The following NRXN2 variants were observed in gnomAD, a reference collection of about 807,000 sequenced individuals.
NRXN2 encodes the protein neurexin 2, also known as neurexin-2-beta.
Under a neutral mutation model 128.8 loss-of-function variants are expected in NRXN2, and 29 were observed. The observed-to-expected ratio is 0.23, with a 90% CI of 0.17 to 0.31. The LOEUF is 0.31. Among genes scored for constraint, NRXN2 ranks in the 10% least tolerant of loss-of-function variants. NRXN2 has a pLI of 1.00. For synonymous variants in NRXN2, 1,098 were observed against 1,075.2 expected (o/e 1.02, Z -0.41); for missense variants, 1,881 against 2,452.6 (o/e 0.77, Z 4.92).
At chr11:64,688,831 T>C (rs1592130971) in intron 5 of NRXN2, 1 of 985,066 alleles carries the variant, frequency 1.0e-6, no homozygotes, top group East Asian at 1.1e-4. Flanking sequence ...CAGGCCCAGC[T>C]CCCAGACCTC....
Position 64,635,268 on chromosome 11 carries a change from T to C in NRXN2, c.3585+3A>G, listed in dbSNP as rs2044534742. The stretch of plus-strand genomic sequence containing the variant: ...TTGAAGGGTTGGGGCCCAGGGTCCT[T>C]ACGATGTGCAGCTGCAGGTAGTCTC... On this transcript the variant is annotated splice_donor_region_variant and intron_variant, in intron 18 of 22. Coordinates refer to ENST00000265459, the MANE Select transcript of NRXN2 (RefSeq NM_015080.4). The surrounding 1 kb of genome is among the most constrained non-coding windows in gnomAD (Gnocchi z 4.8). 6.2e-7 allele frequency: 1 copy of C among 1,612,036 alleles called. No homozygotes were observed. The highest frequency in any genetic ancestry group is 1.3e-5 in the African/African-American group (1 of 74,852).
At chr11:64,691,199 C>T (rs1182586077) in intron 4 of NRXN2, among the ~76,000 whole-genome samples, 21 of 152,196 alleles carry the variant, frequency 1.4e-4, no homozygotes, top group Admixed American at 1.4e-3. Flanking sequence ...ATTGTGCCTA[C>T]AAAAGGGCTG....
At chr11:64,612,571 T>TCCC (rs1366082049) in intron 22 of NRXN2, among the ~76,000 whole-genome samples, 2 of 149,924 alleles carry the variant, frequency 1.3e-5, no homozygotes, top group Non-Finnish European at 2.9e-5. Flanking sequence ...ATTCCTGATC[T>TCCC]CCCCTTCCTC....
At chr11:64,720,756 T>G (rs2057413703) in intron 1 of NRXN2, among the ~76,000 whole-genome samples, 1 of 152,176 alleles carries the variant, frequency 6.6e-6, no homozygotes, top group African/African-American at 2.4e-5. Context: ...CACATGGTAC[T>G]TCAGGATGAG....
At chr11:64,618,738 A>G (rs1247356230) in intron 22 of NRXN2, among the ~76,000 whole-genome samples, 1 of 152,158 alleles carries the variant, frequency 6.6e-6, no homozygotes, top group East Asian at 1.9e-4. Context: ...CCTCCTAGAG[A>G]GGAAGGCATC....
At chr11:64,664,765 G>A (rs2049552510) in intron 9 of NRXN2, among the ~76,000 whole-genome samples, 1 of 152,024 alleles carries the variant, frequency 6.6e-6, no homozygotes, top group Admixed American at 6.6e-5. Context: ...GCCGAGGCGG[G>A]TGAATCACAA....
chr11:64,607,150 G>T lies in NRXN2; in HGVS notation c.*46C>A. ...GGAGAGGGTGGCACCCTCCTCCCGG[G>T]CCCTCCCAGGAGGGGCAGCTGGCAG... On this transcript the variant is annotated 3_prime_UTR_variant, in exon 23 of 23. Coordinates refer to ENST00000265459, the MANE Select transcript of NRXN2 (RefSeq NM_015080.4). The T allele has an allele frequency of 1.3e-6, 2 of 1,592,000 alleles. No individual in the cohort carries two copies. Among genetic ancestry groups the T allele is most frequent in the Middle Eastern group, 1.8e-4 (1 of 5,550 alleles).
At chr11:64,646,785 C>G (rs982771412) in intron 17 of NRXN2, among the ~76,000 whole-genome samples, 1 of 140,416 alleles carries the variant, frequency 7.1e-6, no homozygotes, top group African/African-American at 2.7e-5. Context: ...GGTCCAGCCA[C>G]AGCCAGGTCT....
intron 6 of NRXN2, among the ~76,000 whole-genome samples, chr11:64,677,897 G>A (rs2051578544): frequency 6.6e-6 from 1 of 152,176 alleles, no homozygotes; most frequent in Admixed American, 6.5e-5. Flanking sequence ...TGGGCCAGCT[G>A]GCTATCAGGC....
At chr11:64,666,006 T>C (rs533338962) in intron 9 of NRXN2, among the ~76,000 whole-genome samples, 2 of 152,150 alleles carry the variant, frequency 1.3e-5, no homozygotes, top group Non-Finnish European at 2.9e-5. Context: ...GACACTTTAT[T>C]GTTCTAGAGC....
rs187366532 is a variant in NRXN2 at position 64,622,195 on chromosome 11, G to A, written c.4173+558C>T. On this transcript the variant is annotated intron_variant, in intron 21 of 22. Coordinates refer to ENST00000265459, the MANE Select transcript of NRXN2 (RefSeq NM_015080.4). This position sits in a 1 kb window ranked among gnomAD's most constrained non-coding sequence, Gnocchi z 4.3. ...GGCTTGTGAAGGCAATGGACTTGCA[G>A]CCAGGGCTTTCCCACTGCAGGGACC... Among the ~76,000 whole-genome samples, 26 of 152,312 alleles carry A rather than the reference G, an allele frequency of 1.7e-4. No individual in the cohort carries two copies. The East Asian group carries it at 5.0e-3, about 29-fold the overall frequency.
In NRXN2 at chr11:64,630,697, A is replaced by C; in HGVS notation, c.3586-124T>G. On this transcript the variant is annotated intron_variant, in intron 18 of 22. Transcript: ENST00000265459. The surrounding 1 kb of genome is among the most constrained non-coding windows in gnomAD (Gnocchi z 4.6). ...CTTAAGGCACCTTTCCCAGGTCTCA[A>C]CCGCTGGAGGAGGTGGGCAGGCTCG... The C allele has an allele frequency of 8.8e-7, 1 of 1,134,348 alleles. No homozygotes were observed. The highest frequency in any genetic ancestry group is 1.3e-6 in the Non-Finnish European group (1 of 778,604). The allele number at this position is 1,134,348 out of a possible 1,614,324, so 70.3% of individuals were successfully genotyped here.
intron 9 of NRXN2, among the ~76,000 whole-genome samples, chr11:64,665,224 T>C (rs1591946230): frequency 1.3e-5 from 2 of 150,108 alleles, no homozygotes; most frequent in African/African-American, 4.9e-5. Context: ...AAGGTTGCAG[T>C]GAGCCGAGAT....
intron 11 of NRXN2, among the ~76,000 whole-genome samples, chr11:64,655,656 G>C (rs1263996910): frequency 6.6e-6 from 1 of 152,170 alleles, no homozygotes; most frequent in Admixed American, 6.5e-5. Context: ...CACCAGGAAT[G>C]GGGGGTCCAT....
chr11:64,704,433 T>C (rs937215082), intron 2 of NRXN2, among the ~76,000 whole-genome samples: 1 of 152,106 alleles, frequency 6.6e-6, no homozygotes, highest in Non-Finnish European at 1.5e-5. Context: ...ATAGGAGTCA[T>C]GGAGCTGTAA....
intron 12 of NRXN2, among the ~76,000 whole-genome samples, chr11:64,653,041 T>C (rs368285607): frequency 6.6e-6 from 1 of 151,180 alleles, no homozygotes; most frequent in East Asian, 2.0e-4. Flanking sequence ...TGCTCCCCCA[T>C]GTGACCCCAA....
intron 18 of NRXN2, among the ~76,000 whole-genome samples, chr11:64,633,180 T>C (rs1381423745): frequency 6.6e-6 from 1 of 152,218 alleles, no homozygotes. Flanking sequence ...TCACAACTGT[T>C]GGGAGAGAAA....
Position 64,692,929 on chromosome 11 carries a change from G to T in NRXN2, c.749-53C>A, listed in dbSNP as rs1246062393. On this transcript the variant is annotated intron_variant, in intron 3 of 22. Transcript: ENST00000265459. ...GAAAGAAAAAAAGAAGAAGAAAAAA[G>T]AAAGAAAAGGGGAAAGAAACAAAGA... 5 of 1,456,280 alleles carry T rather than the reference G, an allele frequency of 3.4e-6. No individual in the cohort carries two copies. In the South Asian group the frequency reaches 4.7e-5, roughly 14 times the overall value. The allele number at this position is 1,456,280 out of a possible 1,614,324, so 90.2% of individuals were successfully genotyped here.
At position 64,697,757 on chromosome 11, in the gene NRXN2, CAG is replaced by C. The variant is rs1315256904; in HGVS notation, c.748+16_748+17del. ...GGCAACAGATCCACTACCCCAGTGA[CAG>C]AGAGGCTTCACTCACCTTCCATGGG... On this transcript the variant is annotated intron_variant, in intron 3 of 22. Coordinates refer to ENST00000265459, the MANE Select transcript of NRXN2 (RefSeq NM_015080.4). 6.8e-6 allele frequency: 11 copies of C among 1,613,624 alleles called. No homozygotes were observed. Among genetic ancestry groups the C allele is most frequent in the South Asian group, 1.1e-5 (1 of 91,064 alleles).
Sources: allele counts gnomAD v4.1 joint callset (sites outside exome capture counted in the v4.1 genomes callset), GRCh38; gene constraint gnomAD v4.1.1; non-coding constraint Gnocchi (gnomAD v3.1); transcripts MANE v1.5; gene names NCBI Gene and HGNC (gene_info 2026-07-23, HGNC 2026-07-21).